PRKCQ: variants seen among roughly 807,000 people sequenced by gnomAD.
PRKCQ encodes the protein protein kinase C theta type.
PRKCQ carries 41 observed loss-of-function variants against 91.2 expected under a neutral mutation model. The ratio of observed to expected loss-of-function variants is 0.45; its 90% CI spans 0.35 to 0.58. PRKCQ has a LOEUF of 0.58. PRKCQ is among the 20% of genes least tolerant of loss of function. PRKCQ has a pLI of 0.00. For synonymous variants in PRKCQ, 307 were observed against 316.9 expected, an observed-to-expected ratio of 0.97 and a Z score of 0.33; for missense variants, 673 against 896.5, an observed-to-expected ratio of 0.75 and a Z score of 3.18.
intron 1 of PRKCQ, among the ~76,000 whole-genome samples, chr10:6,527,849 C>A (rs1288143090): frequency 6.6e-6 from 1 of 152,186 alleles, no homozygotes; most frequent in African/African-American, 2.4e-5. Flanking sequence ...CCGATTGCAA[C>A]CCTAGGACTG....
At chr10:6,433,400 A>C (rs150969948) in intron 16 of PRKCQ, among the ~76,000 whole-genome samples, 1 of 152,166 alleles carries the variant, frequency 6.6e-6, no homozygotes, top group African/African-American at 2.4e-5. Context: ...TGACATATCT[A>C]TTCCTTACAG....
At chr10:6,503,832 A>G (rs1213859226) in intron 4 of PRKCQ, among the ~76,000 whole-genome samples, 1 of 152,200 alleles carries the variant, frequency 6.6e-6, no homozygotes, top group Non-Finnish European at 1.5e-5. Context: ...GCTAGAGTGC[A>G]GTGGCACTAT....
intron 8 of PRKCQ, among the ~76,000 whole-genome samples, chr10:6,488,478 C>A (rs904721397): frequency 6.6e-6 from 1 of 151,282 alleles, no homozygotes; most frequent in African/African-American, 2.4e-5. Flanking sequence ...CTCGGCCTCC[C>A]GGATTCAAGA....
chr10:6,436,569 C>T (rs1364503918), intron 16 of PRKCQ, among the ~76,000 whole-genome samples: 1 of 152,184 alleles, frequency 6.6e-6, no homozygotes, highest in Non-Finnish European at 1.5e-5. Context: ...TCACGCCCAC[C>T]CTCCTGTCCC....
chr10:6,422,069 A>G, the PRKCQ span, among the ~76,000 whole-genome samples: 1 of 152,174 alleles, frequency 6.6e-6, no homozygotes, highest in Non-Finnish European at 1.5e-5. Context: ...TTACTTCTTC[A>G]TATTTAGGTT....
chr10:6,550,287 T>C (rs1336538650), intron 1 of PRKCQ, among the ~76,000 whole-genome samples: 2 of 152,174 alleles, frequency 1.3e-5, no homozygotes, highest in Non-Finnish European at 2.9e-5. Context: ...TGCACTTTTT[T>C]TTCTGAGATG....
chr10:6,560,042 TTC>T (rs1255167566), intron 1 of PRKCQ, among the ~76,000 whole-genome samples: 1 of 152,246 alleles, frequency 6.6e-6, no homozygotes, highest in Non-Finnish European at 1.5e-5. Context: ...TCTCCTTCTC[TTC>T]TCCCCTGTAT....
rs969001140 is a variant in PRKCQ, at chr10:6,452,321, G to T, written c.1647+4353C>A. On this transcript the variant is annotated intron_variant, in intron 15 of 17. Coordinates refer to ENST00000263125, the MANE Select transcript of PRKCQ (RefSeq NM_006257.5). ...AAATCTTGAGTGAACTCCCATTCAC[G>T]ATTGCTTCAAAGAGAATAAAATACC... Among the ~76,000 whole-genome samples the T allele has an allele frequency of 1.4e-4, 22 of 152,068 alleles. 1 individual carries two copies. The highest frequency in any genetic ancestry group is 4.8e-4 in the African/African-American group (20 of 41,388).
chr10:6,573,611 T>A (rs1197147658), intron 1 of PRKCQ, among the ~76,000 whole-genome samples: 1 of 152,206 alleles, frequency 6.6e-6, no homozygotes, highest in Non-Finnish European at 1.5e-5. Flanking sequence ...TACTTTTTGA[T>A]TTTTCCAATA....
chr10:6,506,666 G>A (rs560246259), intron 4 of PRKCQ, among the ~76,000 whole-genome samples: 5 of 152,150 alleles, frequency 3.3e-5, no homozygotes, highest in African/African-American at 4.8e-5. Context: ...ATTTAGACAC[G>A]GAGGAATTAT....
At chr10:6,438,473 A>C (rs1354586703) in intron 16 of PRKCQ, among the ~76,000 whole-genome samples, 3 of 152,380 alleles carry the variant, frequency 2.0e-5, no homozygotes, top group African/African-American at 7.2e-5. Context: ...AACAAGGCTA[A>C]AAATTATTTC....
At chr10:6,510,250 A>T (rs1030907869) in intron 3 of PRKCQ, among the ~76,000 whole-genome samples, 5 of 152,008 alleles carry the variant, frequency 3.3e-5, no homozygotes, top group African/African-American at 1.2e-4. Context: ...TAACGCTTTG[A>T]TTATTTTACT....
chr10:6,477,357 G>T (rs1488465033), intron 12 of PRKCQ, among the ~76,000 whole-genome samples: 1 of 152,184 alleles, frequency 6.6e-6, no homozygotes, highest in Non-Finnish European at 1.5e-5. Flanking sequence ...CCATGGTCTG[G>T]CTTCTCTTTA....
At chr10:6,572,074 G>A (rs1306871387) in intron 1 of PRKCQ, among the ~76,000 whole-genome samples, 5 of 152,244 alleles carry the variant, frequency 3.3e-5, no homozygotes, top group African/African-American at 1.2e-4. Flanking sequence ...GGGGCTTTCT[G>A]AATGACTGAT....
Position 6,511,039 on chromosome 10 carries a change from G to T in PRKCQ, c.274C>A (p.Leu92Met). ...ISETTVELYS[L>M]AERCRKNNGK... The stretch of plus-strand genomic sequence containing the variant: ...TTGTTCTTCCTGCACCTCTCAGCCA[G>T]CGAGTAGAGCTCCACGGTGGTTTCA... The change falls in exon 3 of 18, where the codon CTG becomes ATG. Residue 92 changes from leucine (L) to methionine (M), a missense_variant. Transcript: ENST00000263125. 6.2e-7 allele frequency: 1 copy of T among 1,614,130 alleles called. No homozygotes were observed. The highest frequency in any genetic ancestry group is 8.5e-7 in the Non-Finnish European group (1 of 1,180,010).
intron 1 of PRKCQ, among the ~76,000 whole-genome samples, chr10:6,571,707 GAC>G (rs1178948033): frequency 2.0e-5 from 3 of 152,164 alleles, no homozygotes; most frequent in Non-Finnish European, 4.4e-5. Context: ...TCTCGAGGCT[GAC>G]ACAATAATTG....
chr10:6,419,680 A>C, the PRKCQ span, among the ~76,000 whole-genome samples: 1 of 136,138 alleles, frequency 7.3e-6, no homozygotes. Flanking sequence ...CAGAACTGAA[A>C]TCTCCTTTTT....
intron 12 of PRKCQ, among the ~76,000 whole-genome samples, chr10:6,475,345 C>T (rs1210659312): frequency 1.3e-5 from 2 of 152,186 alleles, no homozygotes; most frequent in Admixed American, 6.5e-5. Context: ...AACGGCAGAG[C>T]TGGGCTTGAA....
At chr10:6,542,907 T>G (rs35008347) in intron 1 of PRKCQ, among the ~76,000 whole-genome samples, 4,257 of 152,296 alleles carry the variant, frequency 0.028, 84 homozygotes, top group Middle Eastern at 0.068. Context: ...TGTTATTATA[T>G]TCAATTAAAA....
Sources: allele counts gnomAD v4.1 joint callset (sites outside exome capture counted in the v4.1 genomes callset), GRCh38; gene constraint gnomAD v4.1.1; transcripts MANE v1.5; gene names NCBI Gene and HGNC (gene_info 2026-07-23, HGNC 2026-07-21).